The following WTAP variants were observed in gnomAD, a reference collection of about 807,000 sequenced individuals.
The protein encoded by WTAP is pre-mRNA-splicing regulator WTAP.
A neutral mutation model predicts 50.0 loss-of-function variants in WTAP; 8 were observed. The ratio of observed to expected loss-of-function variants is 0.16; its 90% CI spans 0.09 to 0.29. The LOEUF (loss-of-function observed/expected upper bound fraction) is 0.29. WTAP is among the 10% of genes least tolerant of loss of function. The probability of loss-of-function intolerance (pLI) is 1.00; values close to 1 mark genes in which losing one functional copy is unlikely to be tolerated. For missense variants in WTAP, 295 were observed against 470.7 expected (o/e 0.63, Z 3.45); for synonymous variants, 194 against 169.0 (o/e 1.15, Z -1.15).
chr6:159,742,775 G>A (rs1779338062), intron 4 of WTAP, among the ~76,000 whole-genome samples: 2 of 152,176 alleles, frequency 1.3e-5, no homozygotes, highest in Middle Eastern at 3.4e-3. Flanking sequence ...AAAGTTTAAG[G>A]CTAGGCACAG....
chr6:159,754,900 G>T, intron 7 of WTAP, 128 bp from the exon 8 acceptor site: 1 of 1,032,524 alleles, frequency 9.7e-7, no homozygotes, highest in Non-Finnish European at 1.3e-6. Flanking sequence ...TTTAAATGTA[G>T]TGTGATTTTA....
At chr6:159,738,650 C>A (rs1301916158) in intron 2 of WTAP, among the ~76,000 whole-genome samples, 1 of 152,088 alleles carries the variant, frequency 6.6e-6, no homozygotes, top group Non-Finnish European at 1.5e-5. Flanking sequence ...TCTTCAGATA[C>A]CATTTTTATA....
upstream of WTAP, chr6:159,727,406 AG>A: frequency 4.0e-6 from 2 of 501,438 alleles, no homozygotes; most frequent in Non-Finnish European, 5.3e-6. Context: ...GGCGGGAGGC[AG>A]TGGCGCTGGC....
intron 1 of WTAP, among the ~76,000 whole-genome samples, chr6:159,728,120 A>G (rs989216633): frequency 4.6e-5 from 7 of 152,228 alleles, no homozygotes; most frequent in African/African-American, 1.2e-4. Context: ...CGTTCCCTAC[A>G]TTTCATGTCA....
At chr6:159,726,874 A>T, upstream of WTAP, 1 of 1,289,206 alleles carries the variant, frequency 7.8e-7, no homozygotes, top group Non-Finnish European at 1.0e-6. Flanking sequence ...GCTAAGAGTA[A>T]ACGCCCGCGG....
chr6:159,744,882 G>C (rs1020692176), intron 5 of WTAP, among the ~76,000 whole-genome samples: 2 of 152,128 alleles, frequency 1.3e-5, no homozygotes, highest in African/African-American at 4.8e-5. Flanking sequence ...TCTTCCCTAT[G>C]TTGCCCAGGC....
At position 159,755,661 on chromosome 6, in the gene WTAP, A is replaced by G; in HGVS notation, c.*50A>G. The G allele has an allele frequency of 1.4e-6, 2 of 1,473,840 alleles. No homozygotes were observed. The highest frequency in any genetic ancestry group is 1.4e-5 in the South Asian group (1 of 69,344). 91.3% of individuals were successfully genotyped at this position (1,473,840 alleles called of 1,614,324 possible). A position where few individuals can be genotyped will look rare whatever the true frequency, so the allele number is the denominator to read the frequency against. On this transcript the variant is annotated 3_prime_UTR_variant, in exon 8 of 8. Coordinates refer to ENST00000621533, the MANE Select transcript of WTAP (RefSeq NM_001270531.2). ...AGTGTCATTTAATTTGGGAGAGGAT[A>G]CTGTCCAGAAAATTAATGCATACTT...
chr6:159,729,748 A>G (rs1284261670), intron 1 of WTAP, among the ~76,000 whole-genome samples: 1 of 152,204 alleles, frequency 6.6e-6, no homozygotes, highest in African/African-American at 2.4e-5. Context: ...CCTCATCAGT[A>G]CCTTGCTACT....
At chr6:159,726,757 A>G, upstream of WTAP, 1 of 1,286,660 alleles carries the variant, frequency 7.8e-7, no homozygotes, top group Non-Finnish European at 1.0e-6. Context: ...ATGCGTCTCC[A>G]GAGATGTCAA....
intron 5 of WTAP, among the ~76,000 whole-genome samples, chr6:159,747,964 A>C (rs767848295): frequency 6.6e-6 from 1 of 152,202 alleles, no homozygotes; most frequent in African/African-American, 2.4e-5. Flanking sequence ...GTTTCAATAC[A>C]TATAATGTAT....
At chr6:159,742,733 C>T (rs186886552) in intron 4 of WTAP, among the ~76,000 whole-genome samples, 11 of 152,230 alleles carry the variant, frequency 7.2e-5, no homozygotes, top group African/African-American at 2.6e-4. Flanking sequence ...TTTTGCGTGA[C>T]TGTGTTACCC....
At chr6:159,744,425 C>T (rs1173133588) in intron 5 of WTAP, among the ~76,000 whole-genome samples, 1 of 152,138 alleles carries the variant, frequency 6.6e-6, no homozygotes, top group Non-Finnish European at 1.5e-5. Flanking sequence ...TTTGTGTACT[C>T]TCCCTTCATT....
At chr6:159,746,953 A>G (rs1484288578) in intron 5 of WTAP, among the ~76,000 whole-genome samples, 1 of 152,222 alleles carries the variant, frequency 6.6e-6, no homozygotes, top group South Asian at 2.1e-4. Flanking sequence ...CTGTCAGTAC[A>G]TGGAGTGCAC....
intron 4 of WTAP, 21 bp downstream of exon 4, chr6:159,742,167 C>A: frequency 6.4e-7 from 1 of 1,570,922 alleles, no homozygotes; most frequent in Non-Finnish European, 8.7e-7. Context: ...GTTTTAGCTT[C>A]CTAAAGACTG....
intron 7 of WTAP, among the ~76,000 whole-genome samples, chr6:159,754,806 G>A (rs929801096): frequency 2.6e-5 from 4 of 152,098 alleles, no homozygotes; most frequent in Admixed American, 1.3e-4. Context: ...ATTGTTGCAT[G>A]TGGAGGGCCA....
intron 5 of WTAP, among the ~76,000 whole-genome samples, chr6:159,746,583 T>C (rs1349771450): frequency 6.6e-6 from 1 of 152,198 alleles, no homozygotes; most frequent in African/African-American, 2.4e-5. Context: ...AGTACATCAG[T>C]AGTCAATTTA....
At position 159,738,271 on chromosome 6, in the gene WTAP, A is replaced by G. The variant is rs1041339972; in HGVS notation, c.31-719A>G. 2.0e-5 allele frequency among the ~76,000 whole-genome samples: 3 copies of G among 152,334 alleles called. No individual in the cohort carries two copies. In the East Asian group the frequency reaches 5.8e-4, roughly 29 times the overall value. Reference sequence around the variant, plus strand: ...TCTCCATGCCTGACCCCTGGCAACCACTAATTTATCTCCATTTGTATAATT... The same window carrying G: ...TCTCCATGCCTGACCCCTGGCAACCGCTAATTTATCTCCATTTGTATAATT... On this transcript the variant is annotated intron_variant, in intron 2 of 7. Coordinates refer to ENST00000621533, the MANE Select transcript of WTAP (RefSeq NM_001270531.2).
Position 159,755,863 on chromosome 6 carries a change from G to A in WTAP, c.*252G>A. 1 of 495,212 alleles carries A rather than the reference G, an allele frequency of 2.0e-6. No individual in the cohort carries two copies. Among genetic ancestry groups the A allele is most frequent in the Non-Finnish European group, 3.0e-6 (1 of 338,006 alleles). The allele number at this position is 495,212 out of a possible 1,614,324, so 30.7% of individuals were successfully genotyped here. A position where few individuals can be genotyped will look rare whatever the true frequency, so the allele number is the denominator to read the frequency against. On this transcript the variant is annotated 3_prime_UTR_variant, in exon 8 of 8. Transcript: ENST00000621533. The stretch of plus-strand genomic sequence containing the variant: ...GAATGTTGCTAAAAGGACATTTTGT[G>A]TAGGGTCAAGTTATTTTTATATGAG...
chr6:159,738,412 C>T (rs1262584320), intron 2 of WTAP, among the ~76,000 whole-genome samples: 2 of 152,082 alleles, frequency 1.3e-5, no homozygotes, highest in Admixed American at 6.5e-5. Flanking sequence ...TTTCATGTAT[C>T]AGTAGTCCTG....
Sources: allele counts gnomAD v4.1 joint callset (sites outside exome capture counted in the v4.1 genomes callset), GRCh38; gene constraint gnomAD v4.1.1; transcripts MANE v1.5; gene names NCBI Gene and HGNC (gene_info 2026-07-23, HGNC 2026-07-21).